Variants in MARCHF6 observed in about 807,000 individuals in gnomAD.
MARCHF6 encodes the protein E3 ubiquitin-protein ligase MARCHF6.
MARCHF6 carries 31 observed loss-of-function variants against 133.7 expected under a neutral mutation model. The ratio of observed to expected loss-of-function variants is 0.23; its 90% CI spans 0.17 to 0.31. The LOEUF (loss-of-function observed/expected upper bound fraction) is 0.31, where lower values mean the gene tolerates loss of function less well. Among genes scored for constraint, MARCHF6 ranks in the 10% least tolerant of loss-of-function variants. The pLI is 1.00. For missense variants in MARCHF6, 723 were observed against 1,121.6 expected (o/e 0.64, Z 5.08); for synonymous variants, 395 against 402.5 (o/e 0.98, Z 0.22).
At chr5:10,384,788 A>AG (rs1477731963) in intron 4 of MARCHF6, among the ~76,000 whole-genome samples, 1 of 152,242 alleles carries the variant, frequency 6.6e-6, no homozygotes, top group African/African-American at 2.4e-5. Context: ...GAAAACTGGC[A>AG]GTATCTACTG....
intron 25 of MARCHF6, 54 bp from the exon 26 acceptor site, chr5:10,433,540 G>T: frequency 7.5e-7 from 1 of 1,325,458 alleles, no homozygotes; most frequent in Non-Finnish European, 1.1e-6. Context: ...ACATATGAAT[G>T]TTTTACTCTG....
intron 4 of MARCHF6, among the ~76,000 whole-genome samples, chr5:10,386,427 C>T (rs963741422): frequency 7.2e-5 from 11 of 152,220 alleles, no homozygotes. Context: ...GCCTTGATAG[C>T]AGTTCGTTCA....
At chr5:10,397,994 G>A (rs186294848) in intron 10 of MARCHF6, among the ~76,000 whole-genome samples, 3 of 152,342 alleles carry the variant, frequency 2.0e-5, no homozygotes, top group African/African-American at 7.2e-5. Context: ...GGAAAACTAA[G>A]TTGAGTAAAC....
intron 1 of MARCHF6, among the ~76,000 whole-genome samples, chr5:10,357,994 G>A (rs1199902118): frequency 7.1e-6 from 1 of 141,136 alleles, no homozygotes; most frequent in Non-Finnish European, 1.5e-5. Flanking sequence ...TTGAGACGGA[G>A]TCTTGCTCTG....
At chr5:10,354,006 T>C (rs1232869311) in intron 1 of MARCHF6, 89 bp downstream of exon 1, 6 of 1,350,764 alleles carry the variant, frequency 4.4e-6, no homozygotes, top group Non-Finnish European at 5.8e-6. Context: ...GGTGGGCTGC[T>C]GGATCGCGGC....
chr5:10,388,011 T>A (rs1019562915), intron 5 of MARCHF6, among the ~76,000 whole-genome samples: 2 of 152,240 alleles, frequency 1.3e-5, no homozygotes, highest in Admixed American at 1.3e-4. Context: ...GAACTCAAAT[T>A]TATTTTTTAA....
chr5:10,357,957 CA>C (rs1735578714), intron 1 of MARCHF6, among the ~76,000 whole-genome samples: 1 of 140,848 alleles, frequency 7.1e-6, no homozygotes. Context: ...GATATGAGGG[CA>C]TGGGTTGCTT....
chr5:10,384,258 G>A (rs1405050534), intron 4 of MARCHF6, among the ~76,000 whole-genome samples: 1 of 151,906 alleles, frequency 6.6e-6, no homozygotes, highest in East Asian at 1.9e-4. Flanking sequence ...CATAATTAAA[G>A]TTAAAAACTT....
intron 9 of MARCHF6, among the ~76,000 whole-genome samples, chr5:10,395,091 GC>G (rs111436806): frequency 6.6e-6 from 1 of 152,248 alleles, no homozygotes; most frequent in African/African-American, 2.4e-5. Flanking sequence ...GAGCCACCGC[GC>G]CCGGCCAAAA....
rs1157326399 is a variant in MARCHF6, at chr5:10,433,890, A to G, written c.*206A>G. 1 of 560,242 alleles carries G rather than the reference A, an allele frequency of 1.8e-6. No individual in the cohort carries two copies. Among genetic ancestry groups the G allele is most frequent in the African/African-American group, 1.9e-5 (1 of 52,856 alleles). The allele number at this position is 560,242 out of a possible 1,614,324, so 34.7% of individuals were successfully genotyped here. The stretch of plus-strand genomic sequence containing the variant: ...CATTACTGCTGTCTGAGATTTGTAT[A>G]TGTGTAAATACAAGTTCCTTGATAC... On this transcript the variant is annotated 3_prime_UTR_variant, in exon 26 of 26. Transcript: ENST00000274140.
intron 6 of MARCHF6, 90 bp from the exon 7 acceptor site, chr5:10,391,436 GTTTTTTTTTTTTTTTT>G (rs35378319): frequency 3.3e-6 from 1 of 305,592 alleles, no homozygotes; most frequent in Non-Finnish European, 5.5e-6. Context: ...CCTGGCCTAG[GTTTTTTTTTTTTTTTT>G]TTTTTTTTTT....
chr5:10,360,122 G>C (rs1398471729), intron 1 of MARCHF6, among the ~76,000 whole-genome samples: 2 of 147,936 alleles, frequency 1.4e-5, no homozygotes, highest in Non-Finnish European at 3.0e-5. Flanking sequence ...TTTTTCGGGA[G>C]TCAAAAGTTG....
At chr5:10,363,370 A>C (rs992442876) in intron 1 of MARCHF6, among the ~76,000 whole-genome samples, 3 of 152,236 alleles carry the variant, frequency 2.0e-5, no homozygotes, top group African/African-American at 7.2e-5. Flanking sequence ...TAGACACTTC[A>C]CTAAAAAATA....
intron 4 of MARCHF6, 67 bp from the exon 5 acceptor site, chr5:10,386,927 T>C: frequency 8.3e-7 from 1 of 1,205,886 alleles, no homozygotes; most frequent in African/African-American, 1.5e-5. Flanking sequence ...ACCTCTGCTT[T>C]CTTGAGCAGC....
rs1290574461 is a variant in MARCHF6, at chr5:10,434,069, G to T, written c.*385G>T. ...AGTAGTGCGCAGGCAAGACTTTTCA[G>T]TGACGCCTTGTGGAACGCAGTTCAT... On this transcript the variant is annotated 3_prime_UTR_variant, in exon 26 of 26. Transcript: ENST00000274140. 5.4e-6 allele frequency: 1 copy of T among 186,162 alleles called. No homozygotes were observed. The highest frequency in any genetic ancestry group is 1.1e-5 in the Non-Finnish European group (1 of 88,246). 11.5% of individuals were successfully genotyped at this position (186,162 alleles called of 1,614,324 possible).
intron 8 of MARCHF6, 91 bp downstream of exon 8, chr5:10,394,234 C>A: frequency 4.5e-6 from 3 of 672,516 alleles, no homozygotes; most frequent in African/African-American, 1.9e-5. Flanking sequence ...CTAATGTTAT[C>A]GTTACAGTTG....
intron 1 of MARCHF6, among the ~76,000 whole-genome samples, chr5:10,355,949 G>T (rs1735432358): frequency 6.6e-6 from 1 of 152,028 alleles, no homozygotes; most frequent in Non-Finnish European, 1.5e-5. Flanking sequence ...ACTTTATTTT[G>T]CTTTATTTTG....
At chr5:10,375,363 G>A (rs917431663) in intron 1 of MARCHF6, among the ~76,000 whole-genome samples, 18 of 152,250 alleles carry the variant, frequency 1.2e-4, no homozygotes, top group African/African-American at 4.1e-4. Flanking sequence ...CGCTGTGCTC[G>A]ATTTCTTGCC....
At chr5:10,385,203 T>G (rs912968047) in intron 4 of MARCHF6, among the ~76,000 whole-genome samples, 4 of 152,210 alleles carry the variant, frequency 2.6e-5, no homozygotes, top group Non-Finnish European at 5.9e-5. Flanking sequence ...GGAAGAAGCT[T>G]GAGGGAGCCT....
Sources: gnomAD v4.1 joint callset for allele counts (sites outside exome capture counted in the v4.1 genomes callset) on GRCh38, gnomAD v4.1.1 for gene constraint, MANE v1.5 for transcripts, NCBI Gene and HGNC (gene_info 2026-07-23, HGNC 2026-07-21) for gene names.